Variants in GTF2F2 observed in about 807,000 individuals in gnomAD.
GTF2F2 encodes the protein general transcription factor IIF subunit 2, also known as ATP-dependent helicase GTF2F2.
Under a neutral mutation model 42.2 loss-of-function variants are expected in GTF2F2, and 23 were observed. That is an observed-to-expected ratio of 0.55 (90% CI 0.39 to 0.77). The LOEUF is 0.77. GTF2F2 is among the 30% of genes least tolerant of loss of function. The pLI is 0.00. For synonymous variants in GTF2F2, 105 were observed against 100.8 expected, an observed-to-expected ratio of 1.04 and a Z score of -0.25; for missense variants, 261 against 287.2, an observed-to-expected ratio of 0.91 and a Z score of 0.66.
chr13:45,245,189 A>G (rs887600998), intron 5 of GTF2F2, among the ~76,000 whole-genome samples: 1 of 152,196 alleles, frequency 6.6e-6, no homozygotes, highest in Non-Finnish European at 1.5e-5. Context: ...TTCAAGTAAA[A>G]TGTGGTGAAT....
chr13:45,235,530 A>G (rs779329878), intron 5 of GTF2F2, among the ~76,000 whole-genome samples: 3 of 151,802 alleles, frequency 2.0e-5, no homozygotes, highest in Non-Finnish European at 2.9e-5. Flanking sequence ...TGAAATTAGC[A>G]AATTAAATGG....
chr13:45,127,889 C>A (rs1869111117), intron 1 of GTF2F2, among the ~76,000 whole-genome samples: 1 of 144,896 alleles, frequency 6.9e-6, no homozygotes, highest in African/African-American at 2.6e-5. Flanking sequence ...CCTCAGCCTC[C>A]CAAAGTGCTA....
At chr13:45,194,455 T>G (rs1241198361) in intron 4 of GTF2F2, 1 of 1,614,182 alleles carries the variant, frequency 6.2e-7, no homozygotes, top group Admixed American at 1.7e-5. Flanking sequence ...TCCACCAACG[T>G]TGAGGGTCAT....
At chr13:45,130,760 G>A (rs957338121) in intron 1 of GTF2F2, among the ~76,000 whole-genome samples, 26 of 152,180 alleles carry the variant, frequency 1.7e-4, no homozygotes, top group Middle Eastern at 3.2e-3. Context: ...CAGGAGCAAG[G>A]TTTATGAGGG....
intron 1 of GTF2F2, among the ~76,000 whole-genome samples, chr13:45,122,090 C>G (rs1252165158): frequency 2.0e-5 from 3 of 152,110 alleles, no homozygotes; most frequent in Non-Finnish European, 4.4e-5. Context: ...ATATAATCAG[C>G]ATGGCGTGTT....
chr13:45,224,701 G>A (rs1396531140), intron 5 of GTF2F2, among the ~76,000 whole-genome samples: 1 of 152,168 alleles, frequency 6.6e-6, no homozygotes, highest in Admixed American at 6.5e-5. Flanking sequence ...ATCTTTCCAA[G>A]TGTTTTGCTG....
At chr13:45,186,601 C>T (rs925988135) in intron 4 of GTF2F2, among the ~76,000 whole-genome samples, 19 of 152,138 alleles carry the variant, frequency 1.2e-4, no homozygotes, top group Admixed American at 5.2e-4. Context: ...GCCTGGCCGC[C>T]CAGCCTATTT....
intron 3 of GTF2F2, among the ~76,000 whole-genome samples, chr13:45,150,506 A>G (rs1018896352): frequency 2.0e-5 from 3 of 152,082 alleles, no homozygotes; most frequent in Non-Finnish European, 4.4e-5. Context: ...CTGAAGTACA[A>G]TTGCTTTCTT....
At chr13:45,213,066 T>G (rs1298345036) in intron 5 of GTF2F2, among the ~76,000 whole-genome samples, 2 of 145,074 alleles carry the variant, frequency 1.4e-5, no homozygotes, top group Non-Finnish European at 3.0e-5. Context: ...ATTTATTTAT[T>G]TATTCTTATT....
intron 7 of GTF2F2, among the ~76,000 whole-genome samples, chr13:45,273,974 A>G (rs1319173065): frequency 6.6e-6 from 1 of 152,206 alleles, no homozygotes; most frequent in Non-Finnish European, 1.5e-5. Context: ...CGTTTAAGAA[A>G]ACATTATTCT....
intron 5 of GTF2F2, among the ~76,000 whole-genome samples, chr13:45,248,325 A>G (rs181140751): frequency 1.2e-4 from 19 of 152,282 alleles, no homozygotes; most frequent in East Asian, 7.7e-4. Context: ...CTCTATGTCT[A>G]TGGGGAACAC....
At chr13:45,265,138 A>G (rs1487691582) in intron 6 of GTF2F2, among the ~76,000 whole-genome samples, 2 of 152,092 alleles carry the variant, frequency 1.3e-5, no homozygotes, top group African/African-American at 4.8e-5. Flanking sequence ...GCGCACCTGT[A>G]ATCCCAGCTA....
intron 7 of GTF2F2, among the ~76,000 whole-genome samples, chr13:45,277,929 G>A (rs900311142): frequency 6.6e-6 from 1 of 152,148 alleles, no homozygotes; most frequent in Non-Finnish European, 1.5e-5. Context: ...AAGACTAACA[G>A]GGTCATATTG....
chr13:45,262,704 C>G (rs1422091013), intron 6 of GTF2F2, among the ~76,000 whole-genome samples: 1 of 152,166 alleles, frequency 6.6e-6, no homozygotes, highest in African/African-American at 2.4e-5. Context: ...CAGGTGTGAG[C>G]CACTGCGCCC....
intron 2 of GTF2F2, among the ~76,000 whole-genome samples, chr13:45,139,315 A>G (rs1483409559): frequency 6.6e-6 from 1 of 152,198 alleles, no homozygotes; most frequent in Non-Finnish European, 1.5e-5. Flanking sequence ...GTTCATTTCA[A>G]CTGAAAATAA....
intron 2 of GTF2F2, among the ~76,000 whole-genome samples, chr13:45,147,031 C>T (rs892749521): frequency 6.6e-6 from 1 of 152,272 alleles, no homozygotes; most frequent in East Asian, 1.9e-4. Flanking sequence ...ATTAACTCAT[C>T]TAGAGCTCAT....
intron 5 of GTF2F2, 107 bp downstream of exon 5, chr13:45,207,612 G>A (rs1873471621): frequency 8.9e-6 from 6 of 677,192 alleles, no homozygotes; most frequent in Non-Finnish European, 1.6e-5. Context: ...TTATTGTTGA[G>A]TGTTTGCTTC....
At position 45,240,975 on chromosome 13, in the gene GTF2F2, C is replaced by CCA. The variant is rs1258669584; in HGVS notation, c.387-11896_387-11895insCA. 9.1e-4 allele frequency among the ~76,000 whole-genome samples: 97 copies of CCA among 106,472 alleles called. 2 individuals are homozygous for CCA. In the East Asian group the frequency reaches 0.029, roughly 32 times the overall value. 69.8% of individuals were successfully genotyped at this position (106,472 alleles called of 152,430 possible). A position where few individuals can be genotyped will look rare whatever the true frequency, so the allele number is the denominator to read the frequency against. ...GCAACATGGCAAAACCCTGTTATTACAAAAAAAAAAAAAAAAAATTAGAAA... is the reference window on the plus strand; with the variant it reads ...GCAACATGGCAAAACCCTGTTATTACCAAAAAAAAAAAAAAAAAAATTAGAAA... On this transcript the variant is annotated intron_variant, in intron 5 of 7. Coordinates refer to ENST00000340473, the MANE Select transcript of GTF2F2 (RefSeq NM_004128.3).
chr13:45,158,922 C>T (rs17066496), intron 4 of GTF2F2, among the ~76,000 whole-genome samples: 1,817 of 152,280 alleles, frequency 0.012, 30 homozygotes, highest in African/African-American at 0.037. Flanking sequence ...TAGTTACTCA[C>T]GGGATGGCTA....
Sources: gnomAD v4.1 joint callset for allele counts (sites outside exome capture counted in the v4.1 genomes callset) on GRCh38, gnomAD v4.1.1 for gene constraint, MANE v1.5 for transcripts, NCBI Gene and HGNC (gene_info 2026-07-23, HGNC 2026-07-21) for gene names.